SPG11: variants seen among roughly 807,000 people sequenced by gnomAD.
SPG11 encodes the protein spatacsin.
Under a neutral mutation model 274.0 loss-of-function variants are expected in SPG11, and 222 were observed. The observed-to-expected ratio is 0.81, with a 90% CI of 0.73 to 0.91. The LOEUF is 0.91. Ranked by LOEUF, SPG11 falls within the 40% of genes least tolerant of loss-of-function variation. The probability of loss-of-function intolerance (pLI) is 0.00; values close to 1 mark genes in which losing one functional copy is unlikely to be tolerated. For synonymous variants in SPG11, 1,144 were observed against 1,039.7 expected (o/e 1.10, Z -1.93); for missense variants, 3,114 against 2,872.7 (o/e 1.08, Z -1.92).
Position 44,574,930 on chromosome 15 carries a change from T to G in SPG11, c.5978A>C (p.Gln1993Pro). The change falls in exon 31 of 40, where the codon CAG becomes CCG. Residue 1993 changes from glutamine (Q) to proline (P), a missense_variant. By Grantham distance (76) the Gln-to-Pro change is moderately conservative (BLOSUM62 -1). Coordinates refer to ENST00000261866, the MANE Select transcript of SPG11 (RefSeq NM_025137.4). The stretch of plus-strand genomic sequence containing the variant: ...GGCAAGATCATACAGACAGAGGACC[T>G]GTCGACAGTAGTTCTTCCCATGGAG... ...KCLHGKNYCR[Q>P]VLCLYDLAKE... is the part of the protein sequence containing the mutation. 1 of 1,614,104 alleles carries G rather than the reference T, an allele frequency of 6.2e-7. No homozygotes were observed. The highest frequency in any genetic ancestry group is 8.5e-7 in the Non-Finnish European group (1 of 1,180,032).
chr15:44,629,768 A>T (rs1258307719), intron 8 of SPG11, among the ~76,000 whole-genome samples: 2 of 152,184 alleles, frequency 1.3e-5, no homozygotes, highest in African/African-American at 4.8e-5. Context: ...TGCCCGAGCT[A>T]ATTTAGAAAG....
chr15:44,572,977 GTTCT>G (rs1160817463), intron 32 of SPG11, among the ~76,000 whole-genome samples, 157 bp from the exon 33 acceptor site: 10 of 134,058 alleles, frequency 7.5e-5, no homozygotes, highest in African/African-American at 2.3e-4. Context: ...TAGGACAGGA[GTTCT>G]TTTTTTTTTT....
intron 7 of SPG11, among the ~76,000 whole-genome samples, chr15:44,645,053 C>T (rs1475074115): frequency 6.6e-6 from 1 of 152,140 alleles, no homozygotes; most frequent in Non-Finnish European, 1.5e-5. Context: ...ACATTCTTCA[C>T]AGAATTAGAA....
In SPG11 at chr15:44,569,313, T is replaced by C. The variant is rs368678418; in HGVS notation, c.6585+85A>G. 1.5e-4 allele frequency: 155 copies of C among 1,008,166 alleles called. 2 individuals are homozygous for C. In the African/African-American group the frequency reaches 2.1e-3, roughly 14 times the overall value. The allele number at this position is 1,008,166 out of a possible 1,614,324, so 62.5% of individuals were successfully genotyped here. On this transcript the variant is annotated intron_variant, in intron 35 of 39. Transcript: ENST00000261866. ...CCTCCATTTTCCCAAGAGTCTACCC[T>C]GACTGAGATTATTCCTGAGAAAAGC...
At chr15:44,621,635 A>T in intron 14 of SPG11, 124 bp downstream of exon 14, 1 of 972,320 alleles carries the variant, frequency 1.0e-6, no homozygotes, top group Non-Finnish European at 1.6e-6. Flanking sequence ...CTTGCATTTT[A>T]AAGAACCTGA....
intron 16 of SPG11, among the ~76,000 whole-genome samples, chr15:44,614,748 A>T (rs1163790276): frequency 6.6e-6 from 1 of 152,232 alleles, no homozygotes; most frequent in Non-Finnish European, 1.5e-5. Flanking sequence ...ATTAAATGAG[A>T]TAATGCATAT....
Position 44,608,499 on chromosome 15 carries a change from T to A in SPG11, c.3398A>T (p.Gln1133Leu). The stretch of plus-strand genomic sequence containing the variant: ...TGGCAGGACACTAGGAGGAGTGCAC[T>A]GTGGGAAGAGAGCAGTTTTTAGCTT... ...YPKLKTALFPQCTPPSVLPSD... is the reference protein window; with the variant it reads ...YPKLKTALFPLCTPPSVLPSD... Residue 1133 changes from glutamine (Q) to leucine (L), a missense_variant, in exon 19 of 40, where the codon CAG becomes CTG. Coordinates refer to ENST00000261866, the MANE Select transcript of SPG11 (RefSeq NM_025137.4). 2.5e-6 allele frequency: 4 copies of A among 1,614,172 alleles called. No homozygotes were observed. Among genetic ancestry groups the A allele is most frequent in the Non-Finnish European group, 3.4e-6 (4 of 1,180,020 alleles).
chr15:44,592,427 T>C lies in SPG11; in HGVS notation c.4647A>G (p.Leu1549=). Residue 1549 remains leucine (L), a synonymous_variant, in exon 27 of 40, where the codon TTA becomes TTG. Coordinates refer to ENST00000261866, the MANE Select transcript of SPG11 (RefSeq NM_025137.4). The stretch of plus-strand genomic sequence containing the variant: ...GTTCATACATCTCCATCACCAGTAG[T>C]AACGGGGAATCCTTTGACAAAGAGT... ...GFQLFFKDSP[L]LLVMEMYELC... is the part of the protein sequence containing the mutation. The C allele has an allele frequency of 6.3e-7, 1 of 1,591,954 alleles. No homozygotes were observed. Among genetic ancestry groups the C allele is most frequent in the Non-Finnish European group, 8.6e-7 (1 of 1,159,922 alleles).
At chr15:44,636,968 A>AAAAACAAAAAAAAAC (rs2084294668) in intron 7 of SPG11, among the ~76,000 whole-genome samples, 6 of 146,636 alleles carry the variant, frequency 4.1e-5, no homozygotes, top group Non-Finnish European at 7.5e-5. Context: ...CAAAAAAAAA[A>AAAAACAAAAAAAAAC]CACAAATGTG....
intron 37 of SPG11, 67 bp from the exon 38 acceptor site, chr15:44,566,076 A>C (rs970558224): frequency 2.3e-5 from 37 of 1,602,580 alleles, no homozygotes; most frequent in Non-Finnish European, 3.0e-5. Flanking sequence ...GTGAACCCTC[A>C]CAACGGTATT....
At chr15:44,631,676 T>C (rs561628810) in intron 8 of SPG11, among the ~76,000 whole-genome samples, 13 of 151,550 alleles carry the variant, frequency 8.6e-5, no homozygotes, top group South Asian at 4.2e-4. Context: ...TTTTTTTTTT[T>C]CAATTAAAAA....
chr15:44,650,616 ACT>A, intron 6 of SPG11, among the ~76,000 whole-genome samples: 1 of 149,608 alleles, frequency 6.7e-6, no homozygotes, highest in Non-Finnish European at 1.5e-5. Context: ...ACAGAGTGAC[ACT>A]CTGCCTAAAA....
At chr15:44,630,642 C>G (rs530448229) in intron 8 of SPG11, among the ~76,000 whole-genome samples, 1 of 152,104 alleles carries the variant, frequency 6.6e-6, no homozygotes, top group Admixed American at 6.6e-5. Flanking sequence ...TGGAATGGAG[C>G]GATCTCGGGT....
At position 44,573,609 on chromosome 15, in the gene SPG11, G is replaced by T. The variant is rs1402292319; in HGVS notation, c.6143C>A (p.Thr2048Asn). The part of the protein sequence containing the change: ...FISTQGLKPD[T>N]VAELVAEEVT... The stretch of plus-strand genomic sequence containing the variant: ...CTCTTCTGCCACGAGTTCAGCCACA[G>T]TATCTGGCTTAAGGCCCTGTGTGCT... Residue 2048 changes from threonine (T) to asparagine (N), a missense_variant, in exon 32 of 40, where the codon ACT becomes AAT. Thr to Asn is a moderately conservative substitution (Grantham distance 65). Transcript: ENST00000261866. 1 of 1,614,190 alleles carries T rather than the reference G, an allele frequency of 6.2e-7. No individual in the cohort carries two copies.
Position 44,583,931 on chromosome 15 carries a change from G to A in SPG11, c.5749C>T (p.Leu1917=). The change falls in exon 30 of 40, where the codon CTG becomes TTG. Residue 1917 remains leucine, a synonymous_variant. Transcript: ENST00000261866. ...DVALVLHCRA[L]ASGEASMEDL... ...TCCATACTAGCTTCCCCTGAGGCCAGTGCTCTGCAGTGCAATACCAAGGCG... is the reference window on the plus strand; with the variant it reads ...TCCATACTAGCTTCCCCTGAGGCCAATGCTCTGCAGTGCAATACCAAGGCG... The A allele has an allele frequency of 6.2e-7, 1 of 1,614,208 alleles. No individual in the cohort carries two copies. Among genetic ancestry groups the A allele is most frequent in the East Asian group, 2.2e-5 (1 of 44,882 alleles).
intron 35 of SPG11, among the ~76,000 whole-genome samples, chr15:44,568,760 G>A (rs2082357202): frequency 1.3e-5 from 2 of 152,182 alleles, no homozygotes; most frequent in East Asian, 1.9e-4. Flanking sequence ...CAACCTCAGA[G>A]CTAGACAATC....
intron 1 of SPG11, among the ~76,000 whole-genome samples, chr15:44,662,909 C>G (rs2085158773): frequency 6.6e-6 from 1 of 152,190 alleles, no homozygotes; most frequent in Non-Finnish European, 1.5e-5. Flanking sequence ...ACAAACTGGA[C>G]TCTGTCCTTG....
At chr15:44,585,611 A>AG in intron 29 of SPG11, 25 bp downstream of exon 29, 1 of 1,557,864 alleles carries the variant, frequency 6.4e-7, no homozygotes, top group East Asian at 2.4e-5. Context: ...CTAAAAAAAA[A>AG]AAAAAAAAAA....
At chr15:44,597,261 T>G (rs2083070449) in intron 23 of SPG11, 1 of 291,764 alleles carries the variant, frequency 3.4e-6, no homozygotes, top group African/African-American at 2.2e-5. Context: ...TACAGGCATG[T>G]GCCACCACAC....
Sources: gnomAD v4.1 joint callset for allele counts (sites outside exome capture counted in the v4.1 genomes callset) on GRCh38, gnomAD v4.1.1 for gene constraint, MANE v1.5 for transcripts, NCBI Gene and HGNC (gene_info 2026-07-23, HGNC 2026-07-21) for gene names.